Variants in LRMDA observed in about 807,000 individuals in gnomAD.
The protein encoded by LRMDA is leucine rich melanocyte differentiation associated, also known as leucine-rich melanocyte differentiation-associated protein.
In LRMDA, 18 loss-of-function variants were observed where a neutral mutation model predicts 29.8. That is an observed-to-expected ratio of 0.60 (90% confidence interval 0.42 to 0.90). The LOEUF (loss-of-function observed/expected upper bound fraction) is 0.90. Among genes scored for constraint, LRMDA ranks in the 40% least tolerant of loss-of-function variants. LRMDA has a pLI of 0.00. For synonymous variants in LRMDA, 125 were observed against 109.4 expected, an observed-to-expected ratio of 1.14 and a Z score of -0.89; for missense variants, 273 against 273.9, an observed-to-expected ratio of 1.00 and a Z score of 0.02.
chr10:75,992,216 G>A lies in LRMDA; in HGVS notation c.132-43792G>A, dbSNP rs567970950. ...CAAAGTCTCACAGACTCCAGAGCAT[G>A]TGTTTTTAATCACTGGACATCTCCT... is the stretch of plus-strand genomic sequence containing the variant. On this transcript the variant is annotated intron_variant, in intron 2 of 6. Coordinates refer to ENST00000611255, the MANE Select transcript of LRMDA (RefSeq NM_001305581.2). 8.5e-5 allele frequency among the ~76,000 whole-genome samples: 13 copies of A among 152,292 alleles called. No homozygotes were observed. In the South Asian group the frequency reaches 2.7e-3, roughly 32 times the overall value.
intron 5 of LRMDA, among the ~76,000 whole-genome samples, chr10:76,236,281 C>T (rs1449906395): frequency 6.6e-6 from 1 of 152,190 alleles, no homozygotes; most frequent in Non-Finnish European, 1.5e-5. Context: ...AACTGAAAGT[C>T]AGGTAACACC....
chr10:75,948,394 ATAT>A (rs1182151022), intron 2 of LRMDA, among the ~76,000 whole-genome samples: 1 of 152,208 alleles, frequency 6.6e-6, no homozygotes, highest in Admixed American at 6.5e-5. Flanking sequence ...AGGACAGGGC[ATAT>A]TAGTGGTATC....
chr10:75,596,555 T>A (rs9415119), intron 2 of LRMDA, among the ~76,000 whole-genome samples: 114,500 of 151,746 alleles, frequency 0.75, 43,354 homozygotes, highest in East Asian at 0.83. Flanking sequence ...TTTTTTTTTT[T>A]AAAATGACAT....
At chr10:76,521,848 A>T (rs528550069) in intron 6 of LRMDA, among the ~76,000 whole-genome samples, 6 of 152,318 alleles carry the variant, frequency 3.9e-5, no homozygotes, top group African/African-American at 1.4e-4. Context: ...CCCCAAAGAG[A>T]CTGTAAGGTC....
chr10:75,584,898 C>CA (rs1262449855), intron 2 of LRMDA, among the ~76,000 whole-genome samples: 1 of 152,164 alleles, frequency 6.6e-6, no homozygotes, highest in Non-Finnish European at 1.5e-5. Flanking sequence ...GTCCCTCTAA[C>CA]TTTGGGGCAG....
chr10:75,623,211 A>G (rs1286293881), intron 2 of LRMDA, among the ~76,000 whole-genome samples: 1 of 152,144 alleles, frequency 6.6e-6, no homozygotes, highest in East Asian at 1.9e-4. Flanking sequence ...ATGCATTATT[A>G]TTTTCAGTCC....
intron 5 of LRMDA, among the ~76,000 whole-genome samples, chr10:76,185,250 A>G (rs761292803): frequency 6.6e-6 from 1 of 152,138 alleles, no homozygotes; most frequent in Non-Finnish European, 1.5e-5. Context: ...GCTAGAGTTC[A>G]CAAGGCTTCA....
intron 2 of LRMDA, among the ~76,000 whole-genome samples, chr10:75,740,750 G>A (rs984970239): frequency 6.6e-6 from 1 of 152,148 alleles, no homozygotes; most frequent in Non-Finnish European, 1.5e-5. Flanking sequence ...TGCTTAGTAA[G>A]TAGCCCTTGA....
chr10:76,549,986 G>T (rs1843474109), intron 6 of LRMDA, among the ~76,000 whole-genome samples: 2 of 152,054 alleles, frequency 1.3e-5, no homozygotes, highest in Admixed American at 6.6e-5. Context: ...CAAGAAAATG[G>T]GACTTTGTAA....
At chr10:75,443,426 C>T (rs184894963) in intron 2 of LRMDA, among the ~76,000 whole-genome samples, 1 of 152,152 alleles carries the variant, frequency 6.6e-6, no homozygotes, top group Non-Finnish European at 1.5e-5. Flanking sequence ...TGAATTTTAT[C>T]AAATGCTTTT....
intron 2 of LRMDA, among the ~76,000 whole-genome samples, chr10:75,616,056 G>C (rs1841093718): frequency 6.6e-6 from 1 of 152,116 alleles, no homozygotes; most frequent in African/African-American, 2.4e-5. Context: ...AGGAAAAGAG[G>C]CTTAATGGAC....
At chr10:75,940,544 C>T (rs1184915026) in intron 2 of LRMDA, among the ~76,000 whole-genome samples, 1 of 152,160 alleles carries the variant, frequency 6.6e-6, no homozygotes, top group African/African-American at 2.4e-5. Flanking sequence ...TGTGTAACCT[C>T]CTATCTCTGT....
intron 2 of LRMDA, among the ~76,000 whole-genome samples, chr10:75,491,351 G>C (rs749979839): frequency 6.6e-6 from 1 of 152,288 alleles, no homozygotes. Context: ...GCGGTATTGT[G>C]GGGGAGAGGT....
At chr10:76,104,589 G>T (rs1421762133) in intron 5 of LRMDA, among the ~76,000 whole-genome samples, 1 of 151,998 alleles carries the variant, frequency 6.6e-6, no homozygotes, top group African/African-American at 2.4e-5. Context: ...CTTGGCCACG[G>T]CTATCTGCTC....
intron 2 of LRMDA, among the ~76,000 whole-genome samples, chr10:75,588,069 T>C (rs576656718): frequency 1.3e-5 from 2 of 152,358 alleles, no homozygotes; most frequent in African/African-American, 4.8e-5. Flanking sequence ...TGTTTCCCTT[T>C]GATCTGGTTC....
At chr10:75,844,096 G>A (rs1844591326) in intron 2 of LRMDA, among the ~76,000 whole-genome samples, 1 of 152,162 alleles carries the variant, frequency 6.6e-6, no homozygotes, top group African/African-American at 2.4e-5. Flanking sequence ...GCCTGATGGT[G>A]CTGAGATAAC....
intron 2 of LRMDA, among the ~76,000 whole-genome samples, chr10:75,714,386 T>TG (rs1282511282): frequency 6.6e-6 from 1 of 152,212 alleles, no homozygotes; most frequent in African/African-American, 2.4e-5. Context: ...CAGCGTCATT[T>TG]GGGGATGATA....
chr10:75,439,644 G>A (rs1844304936), intron 2 of LRMDA, among the ~76,000 whole-genome samples: 1 of 152,198 alleles, frequency 6.6e-6, no homozygotes, highest in Non-Finnish European at 1.5e-5. Context: ...CACCCTGAGG[G>A]TTGTAGTGGA....
intron 5 of LRMDA, among the ~76,000 whole-genome samples, chr10:76,259,614 T>C (rs1839908091): frequency 1.3e-5 from 2 of 152,120 alleles, no homozygotes; most frequent in Admixed American, 1.3e-4. Flanking sequence ...CCAGCATTTC[T>C]TTGTTGATTT....
Sources: gnomAD v4.1 joint callset for allele counts (sites outside exome capture counted in the v4.1 genomes callset) on GRCh38, gnomAD v4.1.1 for gene constraint, MANE v1.5 for transcripts, NCBI Gene and HGNC (gene_info 2026-07-23, HGNC 2026-07-21) for gene names.